SMC3: variants seen among roughly 807,000 people sequenced by gnomAD.
SMC3 encodes the protein structural maintenance of chromosomes 3, also known as structural maintenance of chromosomes protein 3.
A neutral mutation model predicts 171.8 loss-of-function variants in SMC3; 20 were observed. The ratio of observed to expected loss-of-function variants is 0.12; its 90% CI spans 0.08 to 0.17. The LOEUF (loss-of-function observed/expected upper bound fraction) is 0.17, where lower values mean the gene tolerates loss of function less well. Among genes scored for constraint, SMC3 ranks in the 10% least tolerant of loss-of-function variants. The probability of loss-of-function intolerance (pLI) is 1.00; values close to 1 mark genes in which losing one functional copy is unlikely to be tolerated. For missense variants in SMC3, 543 were observed against 1,420.4 expected, an observed-to-expected ratio of 0.38 and a Z score of 9.93; for synonymous variants, 464 against 451.1, an observed-to-expected ratio of 1.03 and a Z score of -0.36.
intron 7 of SMC3, among the ~76,000 whole-genome samples, chr10:110,580,526 T>C (rs964146674): frequency 1.3e-5 from 2 of 152,226 alleles, no homozygotes; most frequent in Non-Finnish European, 2.9e-5. Context: ...GACATAGATA[T>C]GTAGGCATGC....
chr10:110,596,504 T>G lies in SMC3; in HGVS notation c.2070T>G (p.Gly690=), dbSNP rs911498434. Residue 690 remains glycine (G), a synonymous_variant, in exon 19 of 29, where the codon GGT becomes GGG. Transcript: ENST00000361804. ...TTAGAAAAGCAGAAGAAGAACTAGG[T>G]GAACTTGAAGCAAAGCTCAATGAAA... The part of the protein sequence containing the change: ...KDVRKAEEEL[G]ELEAKLNENL... 3 of 1,613,964 alleles carry G rather than the reference T, an allele frequency of 1.9e-6. No individual in the cohort carries two copies. Among genetic ancestry groups the G allele is most frequent in the Non-Finnish European group, 2.5e-6 (3 of 1,179,996 alleles).
At chr10:110,592,952 A>G (rs1196071088) in intron 17 of SMC3, 121 bp from the exon 18 acceptor site, 5 of 869,380 alleles carry the variant, frequency 5.8e-6, no homozygotes, top group South Asian at 2.9e-5. Context: ...GAAAACGCCA[A>G]TCGTTTTGAA....
At position 110,598,294 on chromosome 10, in the gene SMC3, C is replaced by T. The variant is rs587784426; in HGVS notation, c.2268+4C>T. The T allele has an allele frequency of 5.0e-5, 81 of 1,612,374 alleles. No individual in the cohort carries two copies. The Admixed American group carries it at 9.3e-4, about 19-fold the overall frequency. On this transcript the variant is annotated splice_donor_region_variant and intron_variant, in intron 20 of 28. Coordinates refer to ENST00000361804, the MANE Select transcript of SMC3 (RefSeq NM_005445.4). ...AGAGAAAACCTTCATGCCTAAGGTT[C>T]GTAAGTATATCTTTGGTTATAGATC...
intron 13 of SMC3, among the ~76,000 whole-genome samples, chr10:110,585,074 G>A (rs181583528): frequency 7.1e-4 from 108 of 151,932 alleles, no homozygotes; most frequent in African/African-American, 2.4e-3. Flanking sequence ...GTGCAATGGC[G>A]CAATTTCGGC....
intron 19 of SMC3, among the ~76,000 whole-genome samples, 167 bp downstream of exon 19, chr10:110,596,717 C>T (rs1172418502): frequency 6.6e-6 from 1 of 152,038 alleles, no homozygotes; most frequent in Non-Finnish European, 1.5e-5. Flanking sequence ...TTTAATGATT[C>T]TTTGCTTAAG....
rs1163660313 is a variant in SMC3, at chr10:110,605,065, A to G, written c.*763A>G. Among the ~76,000 whole-genome samples the G allele has an allele frequency of 6.6e-6, 1 of 152,158 alleles. No homozygotes were observed. Among genetic ancestry groups the G allele is most frequent in the East Asian group, 1.9e-4 (1 of 5,198 alleles). ...AATGTCCCTCAAATTAGGTTTGTCT[A>G]ATATTTTTCTCATGGTTAGATTGGA... On this transcript the variant is annotated 3_prime_UTR_variant, in exon 29 of 29. Transcript: ENST00000361804.
intron 18 of SMC3, 88 bp downstream of exon 18, chr10:110,593,311 C>G: frequency 7.4e-7 from 1 of 1,346,270 alleles, no homozygotes; most frequent in Non-Finnish European, 1.0e-6. Flanking sequence ...GTGGCTCATG[C>G]CTGTAATCCC....
At chr10:110,569,272 G>A (rs568078202) in intron 2 of SMC3, among the ~76,000 whole-genome samples, 1 of 152,198 alleles carries the variant, frequency 6.6e-6, no homozygotes, top group Admixed American at 6.5e-5. Flanking sequence ...GTGTTTTAAA[G>A]CATTTCCGCT....
In SMC3 at chr10:110,583,548, G is replaced by GGTAA; in HGVS notation, c.969+3_969+6dup. 6.2e-7 allele frequency: 1 copy of GGTAA among 1,613,810 alleles called. No individual in the cohort carries two copies. Among genetic ancestry groups the GGTAA allele is most frequent in the Non-Finnish European group, 8.5e-7 (1 of 1,179,856 alleles). On this transcript the variant is annotated frameshift_variant and splice_region_variant. Transcript: ENST00000361804. LOFTEE classifies it high-confidence loss of function. ...AACTAGCAGGCAATAGTGAACAAAG[G>GGTAA]GTAAGTTAAAATGCTAAAAATGAAA...
chr10:110,598,766 A>G (rs925985605), intron 20 of SMC3, among the ~76,000 whole-genome samples: 3 of 152,054 alleles, frequency 2.0e-5, no homozygotes, highest in African/African-American at 7.2e-5. Context: ...TGGATACCCA[A>G]AGTCTCCTAT....
chr10:110,597,143 C>CA (rs11347729), intron 19 of SMC3, among the ~76,000 whole-genome samples: 228 of 135,340 alleles, frequency 1.7e-3, no homozygotes, highest in African/African-American at 5.4e-3. Flanking sequence ...GACCCTGTCT[C>CA]AAAAAAAAAA....
chr10:110,585,752 A>G (rs1861103177), intron 13 of SMC3, among the ~76,000 whole-genome samples: 1 of 151,558 alleles, frequency 6.6e-6, no homozygotes, highest in African/African-American at 2.4e-5. Flanking sequence ...TACATATATT[A>G]ATATTTATGT....
intron 7 of SMC3, among the ~76,000 whole-genome samples, 164 bp downstream of exon 7, chr10:110,578,870 A>G (rs1031856928): frequency 6.6e-5 from 10 of 152,236 alleles, no homozygotes; most frequent in Admixed American, 5.2e-4. Context: ...TTGAGATGGA[A>G]GTATTTCAGC....
chr10:110,595,246 C>G (rs1861280710), intron 18 of SMC3, among the ~76,000 whole-genome samples: 2 of 150,542 alleles, frequency 1.3e-5, no homozygotes, highest in Non-Finnish European at 3.0e-5. Context: ...TCCCAAAGTG[C>G]TGGGATTACA....
Position 110,604,407 on chromosome 10 carries a change from C to T in SMC3, c.*105C>T. The stretch of plus-strand genomic sequence containing the variant: ...AAATATTTGGCCAATAGTTTTCAGA[C>T]TTAAAGCATCATAGTCCTTTTATAT... On this transcript the variant is annotated 3_prime_UTR_variant, in exon 29 of 29. Coordinates refer to ENST00000361804, the MANE Select transcript of SMC3 (RefSeq NM_005445.4). 2.6e-6 allele frequency: 2 copies of T among 781,722 alleles called. No individual in the cohort carries two copies. The highest frequency in any genetic ancestry group is 2.3e-6 in the Non-Finnish European group (1 of 444,352). The allele number at this position is 781,722 out of a possible 1,614,324, so 48.4% of individuals were successfully genotyped here. A position where few individuals can be genotyped will look rare whatever the true frequency, so the allele number is the denominator to read the frequency against.
chr10:110,598,161 G>A lies in SMC3; in HGVS notation c.2139G>A (p.Gln713=). The stretch of plus-strand genomic sequence containing the variant: ...TATGGATTAATAATGAAATTGATCA[G>A]TTGATGAACCAAATGCAACAGATCG... The part of the protein sequence containing the change: ...NIERINNEID[Q]LMNQMQQIET... Residue 713 remains glutamine (Q), a synonymous_variant, in exon 20 of 29, where the codon CAG becomes CAA. Coordinates refer to ENST00000361804, the MANE Select transcript of SMC3 (RefSeq NM_005445.4). 6.2e-7 allele frequency: 1 copy of A among 1,613,832 alleles called. No homozygotes were observed. Among genetic ancestry groups the A allele is most frequent in the South Asian group, 1.1e-5 (1 of 91,086 alleles).
chr10:110,605,094 A>AGTGCCTTTG lies in SMC3; in HGVS notation c.*792_*793insGTGCCTTTG, dbSNP rs1861448590. Reference sequence around the variant, plus strand: ...TTTTTCTCATGGTTAGATTGGAGCTAATACCACAGAAGCGAAGTATTCTCA... The same window carrying AGTGCCTTTG: ...TTTTTCTCATGGTTAGATTGGAGCTAGTGCCTTTGATACCACAGAAGCGAAGTATTCTCA... On this transcript the variant is annotated 3_prime_UTR_variant, in exon 29 of 29. Transcript: ENST00000361804. Among the ~76,000 whole-genome samples the AGTGCCTTTG allele has an allele frequency of 6.6e-6, 1 of 152,220 alleles. No individual in the cohort carries two copies. The highest frequency in any genetic ancestry group is 1.5e-5 in the Non-Finnish European group (1 of 68,026).
At position 110,581,028 on chromosome 10, in the gene SMC3, T is replaced by G; in HGVS notation, c.547+7T>G. On this transcript the variant is annotated splice_region_variant and intron_variant, in intron 8 of 28. Transcript: ENST00000361804. ...TCCTTAATGAAAGAAACAGGTAAAA[T>G]AAATGTGATTCTGCCTTATTTTTTT... 2.1e-6 allele frequency: 3 copies of G among 1,434,302 alleles called. No individual in the cohort carries two copies. The highest frequency in any genetic ancestry group is 3.0e-6 in the Non-Finnish European group (3 of 1,016,080). 88.8% of individuals were successfully genotyped at this position (1,434,302 alleles called of 1,614,324 possible).
intron 3 of SMC3, 151 bp downstream of exon 3, chr10:110,573,896 T>C: frequency 1.6e-6 from 1 of 620,032 alleles, no homozygotes; most frequent in Non-Finnish European, 2.9e-6. Context: ...GTTTAGAGTA[T>C]ACAGATCTGA....
Sources: gnomAD v4.1 joint callset for allele counts (sites outside exome capture counted in the v4.1 genomes callset) on GRCh38, gnomAD v4.1.1 for gene constraint, MANE v1.5 for transcripts, NCBI Gene and HGNC (gene_info 2026-07-23, HGNC 2026-07-21) for gene names.